FOXJ2: variants seen among roughly 807,000 people sequenced by gnomAD.
FOXJ2 encodes the protein forkhead box protein J2.
FOXJ2 carries 18 observed loss-of-function variants against 68.4 expected under a neutral mutation model. The ratio of observed to expected loss-of-function variants is 0.26; its 90% CI spans 0.18 to 0.39. The LOEUF is 0.39. FOXJ2 is among the 10% of genes least tolerant of loss of function. The pLI is 1.00. For synonymous variants in FOXJ2, 274 were observed against 263.2 expected, an observed-to-expected ratio of 1.04 and a Z score of -0.40; for missense variants, 670 against 726.5, an observed-to-expected ratio of 0.92 and a Z score of 0.89.
Position 8,040,668 on chromosome 12 carries a change from G to A in FOXJ2, c.333+503G>A, listed in dbSNP as rs940463003. On this transcript the variant is annotated intron_variant, in intron 2 of 10. Transcript: ENST00000162391. This position sits in a 1 kb window ranked among gnomAD's most constrained non-coding sequence, Gnocchi z 4.0. ...GAACTCCAGATCTCATTATCCACCCGCCTCAGCCTCCCAAAGTGCTGAGAT... is the reference window on the plus strand; with the variant it reads ...GAACTCCAGATCTCATTATCCACCCACCTCAGCCTCCCAAAGTGCTGAGAT... 2.0e-5 allele frequency among the ~76,000 whole-genome samples: 3 copies of A among 151,932 alleles called. No homozygotes were observed. Among genetic ancestry groups the A allele is most frequent in the Non-Finnish European group, 4.4e-5 (3 of 67,970 alleles).
At chr12:8,048,644 G>C (rs1565630559) in intron 7 of FOXJ2, 53 bp from the exon 8 acceptor site, 4 of 1,494,472 alleles carry the variant, frequency 2.7e-6, no homozygotes, top group Non-Finnish European at 3.7e-6. Flanking sequence ...TCAGTTGACT[G>C]CTGTCTTACA....
At position 8,035,252 on chromosome 12, in the gene FOXJ2, A is replaced by G. The variant is rs779048178; in HGVS notation, c.-15+1419A>G. Among the ~76,000 whole-genome samples the G allele has an allele frequency of 6.6e-6, 1 of 152,126 alleles. No individual in the cohort carries two copies. The highest frequency in any genetic ancestry group is 1.5e-5 in the Non-Finnish European group (1 of 68,014). Reference sequence around the variant, plus strand: ...TTTTCAGACTATACTCCAGTTACCTAGAATTGTATGTTTCTGGTGGGCCTC... The same window carrying G: ...TTTTCAGACTATACTCCAGTTACCTGGAATTGTATGTTTCTGGTGGGCCTC... On this transcript the variant is annotated intron_variant, in intron 1 of 10. Coordinates refer to ENST00000162391, the MANE Select transcript of FOXJ2 (RefSeq NM_018416.3). This position sits in a 1 kb window ranked among gnomAD's most constrained non-coding sequence, Gnocchi z 4.0.
intron 6 of FOXJ2, among the ~76,000 whole-genome samples, chr12:8,047,390 G>A (rs1298563407): frequency 2.0e-5 from 3 of 151,972 alleles, no homozygotes; most frequent in African/African-American, 4.8e-5. Context: ...CGGAGGTTGC[G>A]GTGAGCCGAG....
chr12:8,037,352 CT>C (rs1946911273), intron 1 of FOXJ2, among the ~76,000 whole-genome samples: 1 of 152,012 alleles, frequency 6.6e-6, no homozygotes, highest in Non-Finnish European at 1.5e-5. Context: ...ATTTTGAGTG[CT>C]GGGGGCTGTA....
chr12:8,038,525 C>G lies in FOXJ2; in HGVS notation c.-14-1294C>G, dbSNP rs1349350077. Among the ~76,000 whole-genome samples, 1 of 152,162 alleles carries G rather than the reference C, an allele frequency of 6.6e-6. No individual in the cohort carries two copies. The highest frequency in any genetic ancestry group is 2.4e-5 in the African/African-American group (1 of 41,428). ...CCTCAGGAGAAGTGCCCTGGTGGGA[C>G]TGAGGAAGACAATGTTAGCTGGCAT... On this transcript the variant is annotated intron_variant, in intron 1 of 10. Transcript: ENST00000162391. This position sits in a 1 kb window ranked among gnomAD's most constrained non-coding sequence, Gnocchi z 5.3.
At position 8,052,904 on chromosome 12, in the gene FOXJ2, G is replaced by A. The variant is rs1003300093; in HGVS notation, c.*54G>A. 2.1e-6 allele frequency: 3 copies of A among 1,433,606 alleles called. No homozygotes were observed. In the African/African-American group the frequency reaches 4.2e-5, roughly 20 times the overall value. The allele number at this position is 1,433,606 out of a possible 1,614,324, so 88.8% of individuals were successfully genotyped here. A position where few individuals can be genotyped will look rare whatever the true frequency, so the allele number is the denominator to read the frequency against. ...GGGCCGCGTGGTGAAATCTGGCAGT[G>A]GGGAAAGAGCAACCCCAGCCCGTCC... On this transcript the variant is annotated 3_prime_UTR_variant, in exon 11 of 11. Transcript: ENST00000162391.
intron 2 of FOXJ2, among the ~76,000 whole-genome samples, chr12:8,041,671 C>T (rs1464610483): frequency 6.6e-6 from 1 of 151,752 alleles, no homozygotes; most frequent in African/African-American, 2.4e-5. Flanking sequence ...CCACCATGCA[C>T]AGGAACTTTT....
At chr12:8,045,573 A>G (rs1230424221) in intron 6 of FOXJ2, among the ~76,000 whole-genome samples, 2 of 152,174 alleles carry the variant, frequency 1.3e-5, no homozygotes, top group South Asian at 2.1e-4. Context: ...GCTGGTCTCG[A>G]ACTCCTGGCC....
rs1771089073 is a variant in FOXJ2 at position 8,047,738 on chromosome 12, C to T, written c.818-144C>T. 8.9e-6 allele frequency: 10 copies of T among 1,117,396 alleles called. No homozygotes were observed. The South Asian group carries it at 9.5e-5, about 11-fold the overall frequency. The allele number at this position is 1,117,396 out of a possible 1,614,324, so 69.2% of individuals were successfully genotyped here. A position where few individuals can be genotyped will look rare whatever the true frequency, so the allele number is the denominator to read the frequency against. ...TCTCTTGTACCTGCCAGGAGGGCCA[C>T]AGGGATCTTTGCTGCCCTAGAATGT... On this transcript the variant is annotated intron_variant, in intron 6 of 10. Coordinates refer to ENST00000162391, the MANE Select transcript of FOXJ2 (RefSeq NM_018416.3).
At chr12:8,039,620 A>G (rs923273355) in intron 1 of FOXJ2, among the ~76,000 whole-genome samples, 199 bp from the exon 2 acceptor site, 2 of 152,202 alleles carry the variant, frequency 1.3e-5, no homozygotes, top group Non-Finnish European at 2.9e-5. Context: ...GCCCTGCTCC[A>G]CAATAAGATG....
chr12:8,040,027 C>A lies in FOXJ2; in HGVS notation c.195C>A (p.Gly65=). 1 of 1,614,156 alleles carries A rather than the reference C, an allele frequency of 6.2e-7. No homozygotes were observed. Among genetic ancestry groups the A allele is most frequent in the Non-Finnish European group, 8.5e-7 (1 of 1,180,026 alleles). Residue 65 remains glycine, a synonymous_variant, in exon 2 of 11, where the codon GGC becomes GGA. Coordinates refer to ENST00000162391, the MANE Select transcript of FOXJ2 (RefSeq NM_018416.3). The surrounding 1 kb of genome is among the most constrained non-coding windows in gnomAD (Gnocchi z 4.0). ...SKDEAAVHQD[G]KPRYSYATLI... ...ACGAGGCAGCAGTGCACCAGGACGG[C>A]AAGCCACGATACAGCTATGCCACTC... is the stretch of plus-strand genomic sequence containing the variant.
Position 8,054,598 on chromosome 12 carries a change from T to C in FOXJ2, c.*1748T>C, listed in dbSNP as rs970618452. 6.6e-6 allele frequency: 1 copy of C among 152,642 alleles called. No individual in the cohort carries two copies. The highest frequency in any genetic ancestry group is 1.5e-5 in the Non-Finnish European group (1 of 68,034). 9.5% of individuals were successfully genotyped at this position (152,642 alleles called of 1,614,324 possible). A position where few individuals can be genotyped will look rare whatever the true frequency, so the allele number is the denominator to read the frequency against. ...AAAGGGGCAAGATAGGGCAGTTAAC[T>C]AAAGAGCACTTTATTTCTTTGAAGC... On this transcript the variant is annotated 3_prime_UTR_variant, in exon 11 of 11. Transcript: ENST00000162391.
At chr12:8,042,555 C>T in intron 2 of FOXJ2, 103 bp from the exon 3 acceptor site, 2 of 921,830 alleles carry the variant, frequency 2.2e-6, no homozygotes, top group South Asian at 2.8e-5. Flanking sequence ...GATACTTCAA[C>T]TGCATGGTGT....
At chr12:8,037,271 AG>A (rs1362803160) in intron 1 of FOXJ2, among the ~76,000 whole-genome samples, 10 of 152,096 alleles carry the variant, frequency 6.6e-5, no homozygotes, top group African/African-American at 2.4e-4. Flanking sequence ...GATGGGTCAA[AG>A]GAGAACGGTG....
In FOXJ2 at chr12:8,053,837, C is replaced by G. The variant is rs754445332; in HGVS notation, c.*987C>G. 2.6e-5 allele frequency: 4 copies of G among 152,222 alleles called. No individual in the cohort carries two copies. Among genetic ancestry groups the G allele is most frequent in the African/African-American group, 9.6e-5 (4 of 41,532 alleles). The allele number at this position is 152,222 out of a possible 1,614,324, so 9.4% of individuals were successfully genotyped here. ...CCCATTCAGCAAATATTAGTTTGTC[C>G]TCCTTTAATTGTTTGCCCAAATCTT... On this transcript the variant is annotated 3_prime_UTR_variant, in exon 11 of 11. Transcript: ENST00000162391. This position sits in a 1 kb window ranked among gnomAD's most constrained non-coding sequence, Gnocchi z 4.1.
rs769294224 is a variant in FOXJ2 at position 8,053,863 on chromosome 12, C to T, written c.*1013C>T. 6.6e-6 allele frequency: 1 copy of T among 152,268 alleles called. No homozygotes were observed. The highest frequency in any genetic ancestry group is 6.5e-5 in the Admixed American group (1 of 15,288). 9.4% of individuals were successfully genotyped at this position (152,268 alleles called of 1,614,324 possible). ...TCCTTTAATTGTTTGCCCAAATCTT[C>T]CACCCATCTTTTTTCTTCCCTCATT... On this transcript the variant is annotated 3_prime_UTR_variant, in exon 11 of 11. Coordinates refer to ENST00000162391, the MANE Select transcript of FOXJ2 (RefSeq NM_018416.3). The surrounding 1 kb of genome is among the most constrained non-coding windows in gnomAD (Gnocchi z 4.1).
rs1209297163 is a variant in FOXJ2 at position 8,050,603 on chromosome 12, C to G, written c.1619C>G (p.Ala540Gly). Residue 540 changes from alanine to glycine, a missense_variant, in exon 10 of 11, where the codon GCA (alanine) becomes GGA (glycine). Physicochemically the swap from Ala to Gly is moderately conservative, Grantham distance 60 (BLOSUM62 0). This residue lies in a region of FOXJ2 where 555 missense variants were observed against 562.2 expected (regional missense o/e 0.99). Transcript: ENST00000162391. ...PMYPIPTQDSAGYNRPAHHMV... is the reference protein window; with the variant it reads ...PMYPIPTQDSGGYNRPAHHMV... ...TACCCAATCCCCACCCAGGACTCAG[C>G]AGGATACAATCGCCCAGGTAAGAGC... 2.5e-6 allele frequency: 4 copies of G among 1,614,098 alleles called. No homozygotes were observed. In the African/African-American group the frequency reaches 4.0e-5, roughly 16 times the overall value.
chr12:8,050,503 T>C lies in FOXJ2; in HGVS notation c.1538-19T>C. On this transcript the variant is annotated intron_variant, in intron 9 of 10. Transcript: ENST00000162391. ...ACCCGCCCCCCCCAACTCAAGTAAC[T>C]CTTGTCTTGCTTTGGCAGTGAACTC... The C allele has an allele frequency of 6.2e-7, 1 of 1,605,760 alleles. No homozygotes were observed. Among genetic ancestry groups the C allele is most frequent in the Non-Finnish European group, 8.5e-7 (1 of 1,176,706 alleles).
chr12:8,034,674 C>G (rs1049387013), intron 1 of FOXJ2, among the ~76,000 whole-genome samples: 4 of 152,242 alleles, frequency 2.6e-5, no homozygotes, highest in African/African-American at 9.6e-5. Flanking sequence ...TCCAGTTAAA[C>G]AAGTTGACCA....
Sources: gnomAD v4.1 joint callset for allele counts (sites outside exome capture counted in the v4.1 genomes callset) on GRCh38, gnomAD v4.1.1 for gene constraint, gnomAD v4.1.1 regional missense constraint, Gnocchi (gnomAD v3.1) non-coding constraint, MANE v1.5 for transcripts, NCBI Gene and HGNC (gene_info 2026-07-23, HGNC 2026-07-21) for gene names.